The following ZDHHC14 variants were observed in gnomAD, a reference collection of about 807,000 sequenced individuals.
The protein encoded by ZDHHC14 is palmitoyltransferase ZDHHC14.
In ZDHHC14, 16 loss-of-function variants were observed where a neutral mutation model predicts 47.7. The ratio of observed to expected loss-of-function variants is 0.34; its 90% CI spans 0.23 to 0.51. The LOEUF is 0.51. ZDHHC14 is among the 20% of genes least tolerant of loss of function. The pLI, the probability that ZDHHC14 is intolerant of heterozygous loss-of-function variation, is 0.97. For synonymous variants in ZDHHC14, 293 were observed against 278.9 expected (o/e 1.05, Z -0.50); for missense variants, 515 against 662.5 (o/e 0.78, Z 2.44).
intron 1 of ZDHHC14, among the ~76,000 whole-genome samples, chr6:157,478,387 A>G (rs543893158): frequency 5.9e-5 from 9 of 152,342 alleles, no homozygotes; most frequent in South Asian, 2.1e-4. Context: ...CAATCTCACA[A>G]TCTTACTCTC....
intron 4 of ZDHHC14, chr6:157,630,669 AC>A (rs1785655246): frequency 6.8e-6 from 1 of 146,382 alleles, no homozygotes; most frequent in Admixed American, 6.8e-5. Context: ...TACTAGCCAT[AC>A]TCACACTCAT....
chr6:157,603,309 G>T (rs1383477530), intron 3 of ZDHHC14, among the ~76,000 whole-genome samples: 1 of 152,216 alleles, frequency 6.6e-6, no homozygotes, highest in Admixed American at 6.5e-5. Flanking sequence ...GTTATGAAAA[G>T]ATAACTAACA....
At chr6:157,663,037 T>C (rs1032943392) in intron 8 of ZDHHC14, among the ~76,000 whole-genome samples, 1 of 152,212 alleles carries the variant, frequency 6.6e-6, no homozygotes, top group Non-Finnish European at 1.5e-5. Context: ...ACACATATGA[T>C]TACATGGAAA....
intron 1 of ZDHHC14, among the ~76,000 whole-genome samples, chr6:157,462,419 T>C (rs1779111513): frequency 6.6e-6 from 1 of 152,228 alleles, no homozygotes; most frequent in African/African-American, 2.4e-5. Context: ...TAAGCCTGCA[T>C]TATGTTCTGA....
intron 2 of ZDHHC14, among the ~76,000 whole-genome samples, chr6:157,560,804 A>G (rs768275125): frequency 1.4e-4 from 22 of 152,226 alleles, no homozygotes; most frequent in Admixed American, 3.3e-4. Context: ...TCATCTGGAT[A>G]ATGGGATCCC....
intron 1 of ZDHHC14, among the ~76,000 whole-genome samples, chr6:157,505,333 TC>T (rs775866408): frequency 6.6e-6 from 1 of 152,236 alleles, no homozygotes; most frequent in Non-Finnish European, 1.5e-5. Context: ...TTCTGTCTAT[TC>T]ATATAAAATA....
At chr6:157,515,121 G>T (rs1780634391) in intron 1 of ZDHHC14, among the ~76,000 whole-genome samples, 1 of 152,128 alleles carries the variant, frequency 6.6e-6, no homozygotes. Flanking sequence ...TGGTGAGTGG[G>T]GCCTGAGCAC....
chr6:157,625,510 A>G (rs1469191097), intron 3 of ZDHHC14, among the ~76,000 whole-genome samples: 1 of 152,188 alleles, frequency 6.6e-6, no homozygotes, highest in African/African-American at 2.4e-5. Flanking sequence ...AGAGAAAGAC[A>G]GTCCATGGAA....
chr6:157,508,043 C>T (rs1780373177), intron 1 of ZDHHC14, among the ~76,000 whole-genome samples: 1 of 152,220 alleles, frequency 6.6e-6, no homozygotes, highest in Admixed American at 6.5e-5. Flanking sequence ...CTTCTAGCTT[C>T]CACATTTTCT....
At chr6:157,631,120 C>T (rs562732396) in intron 4 of ZDHHC14, 2 of 152,452 alleles carry the variant, frequency 1.3e-5, no homozygotes, top group Admixed American at 6.5e-5. Context: ...AATATGCTCA[C>T]ACTCTCGCAC....
At chr6:157,594,342 T>C (rs950392326) in intron 3 of ZDHHC14, among the ~76,000 whole-genome samples, 1 of 152,150 alleles carries the variant, frequency 6.6e-6, no homozygotes, top group Non-Finnish European at 1.5e-5. Flanking sequence ...CAGAACAGTA[T>C]GGAATGGGTT....
chr6:157,423,067 C>T (rs1778142417), intron 1 of ZDHHC14, among the ~76,000 whole-genome samples: 1 of 152,234 alleles, frequency 6.6e-6, no homozygotes, highest in Admixed American at 6.5e-5. Context: ...ATATGCTTGT[C>T]AGGAGACACA....
intron 1 of ZDHHC14, among the ~76,000 whole-genome samples, chr6:157,465,729 C>G (rs917320459): frequency 1.3e-5 from 2 of 152,144 alleles, no homozygotes; most frequent in Non-Finnish European, 2.9e-5. Flanking sequence ...GGTCACTCTC[C>G]AGAGGTCTGA....
At chr6:157,620,962 A>T (rs953661913) in intron 3 of ZDHHC14, among the ~76,000 whole-genome samples, 3 of 152,252 alleles carry the variant, frequency 2.0e-5, no homozygotes, top group African/African-American at 7.2e-5. Context: ...GACACAGTCC[A>T]TGTAAAATTC....
intron 2 of ZDHHC14, among the ~76,000 whole-genome samples, chr6:157,578,701 C>T (rs939277026): frequency 8.5e-5 from 13 of 152,112 alleles, no homozygotes; most frequent in Non-Finnish European, 1.6e-4. Flanking sequence ...GTGAGTCTCA[C>T]GAGATCTGAT....
At chr6:157,672,681 C>T in intron 8 of ZDHHC14, 43 bp from the exon 9 acceptor site, 1 of 1,601,826 alleles carries the variant, frequency 6.2e-7, no homozygotes, top group Non-Finnish European at 8.5e-7. Context: ...ACCTCTGCCC[C>T]CTCCTCTCCA....
At chr6:157,629,930 A>G (rs1387148748) in intron 4 of ZDHHC14, 1 of 152,242 alleles carries the variant, frequency 6.6e-6, no homozygotes, top group Non-Finnish European at 1.5e-5. Flanking sequence ...ACAACTAGGG[A>G]AGAAATACGA....
chr6:157,645,703 C>T (rs1409120444), intron 5 of ZDHHC14, 34 bp from the exon 6 acceptor site: 2 of 1,583,468 alleles, frequency 1.3e-6, no homozygotes, highest in African/African-American at 1.3e-5. Context: ...TTGCGCGGTC[C>T]CTCACTTCCG....
Position 157,673,318 on chromosome 6 carries a change from T to C in ZDHHC14, c.*196T>C. The C allele has an allele frequency of 1.5e-6, 1 of 667,102 alleles. No individual in the cohort carries two copies. Among genetic ancestry groups the C allele is most frequent in the Non-Finnish European group, 2.3e-6 (1 of 428,948 alleles). 41.3% of individuals were successfully genotyped at this position (667,102 alleles called of 1,614,324 possible). ...TGCTGAGAGCTTGGTTTCATTTGAA[T>C]TTTCTTCCCCAACCTGAGTGCTTTG... On this transcript the variant is annotated 3_prime_UTR_variant, in exon 9 of 9. Coordinates refer to ENST00000359775, the MANE Select transcript of ZDHHC14 (RefSeq NM_024630.3). The surrounding 1 kb of genome is among the most constrained non-coding windows in gnomAD (Gnocchi z 5.4).
Sources: gnomAD v4.1 joint callset for allele counts (sites outside exome capture counted in the v4.1 genomes callset) on GRCh38, gnomAD v4.1.1 for gene constraint, Gnocchi (gnomAD v3.1) non-coding constraint, MANE v1.5 for transcripts, NCBI Gene and HGNC (gene_info 2026-07-23, HGNC 2026-07-21) for gene names.